SLC29A4: variants seen among roughly 807,000 people sequenced by gnomAD.
SLC29A4 encodes equilibrative nucleoside transporter 4.
SLC29A4 carries 36 observed loss-of-function variants against 43.9 expected under a neutral mutation model. That is an observed-to-expected ratio of 0.82 (90% CI 0.63 to 1.08). The LOEUF (loss-of-function observed/expected upper bound fraction) is 1.08. Among genes scored for constraint, SLC29A4 ranks in the 50% least tolerant of loss-of-function variants. The probability of loss-of-function intolerance (pLI) is 0.00; values close to 1 mark genes in which losing one functional copy is unlikely to be tolerated. For synonymous variants in SLC29A4, 491 were observed against 338.0 expected (o/e 1.45, Z -4.97); for missense variants, 869 against 755.3 (o/e 1.15, Z -1.77).
chr7:5,284,848 G>A (rs1271877996), intron 1 of SLC29A4, among the ~76,000 whole-genome samples: 7 of 152,216 alleles, frequency 4.6e-5, no homozygotes, highest in South Asian at 2.1e-4. Flanking sequence ...AAGCACGTCC[G>A]CCTTCCTGGG....
Position 5,291,635 on chromosome 7 carries a change from G to A in SLC29A4, c.416-58G>A. The A allele has an allele frequency of 4.6e-6, 7 of 1,527,770 alleles. No homozygotes were observed. The South Asian group carries it at 5.0e-5, about 11-fold the overall frequency. 94.6% of individuals were successfully genotyped at this position (1,527,770 alleles called of 1,614,324 possible). On this transcript the variant is annotated intron_variant, in intron 4 of 10. Coordinates refer to ENST00000396872, the MANE Select transcript of SLC29A4 (RefSeq NM_153247.4). ...GCGACTCTGCAGGAGGGGCGAGGAG[G>A]AGGGGGACCCCACCCAGTTGGCTCC...
chr7:5,288,624 CAT>C (rs376073568), intron 2 of SLC29A4, among the ~76,000 whole-genome samples: 78 of 152,008 alleles, frequency 5.1e-4, no homozygotes, highest in African/African-American at 1.8e-3. Context: ...TGGAGTGACA[CAT>C]GTCACTTTGG....
rs781288925 is a variant in SLC29A4 at position 5,296,991 on chromosome 7, C to G, written c.675C>G (p.Pro225=). Residue 225 remains proline, a synonymous_variant, in exon 7 of 11, where the codon CCC becomes CCG. Coordinates refer to ENST00000396872, the MANE Select transcript of SLC29A4 (RefSeq NM_153247.4). ...GCATCCTCACGAAGCTGCTGCTGCCCGACGAGCGCGCCAGCACGCTCATCT... is the reference window on the plus strand; with the variant it reads ...GCATCCTCACGAAGCTGCTGCTGCCGGACGAGCGCGCCAGCACGCTCATCT... ...LSRILTKLLL[P]DERASTLIFF... 1.9e-5 allele frequency: 30 copies of G among 1,603,408 alleles called. No individual in the cohort carries two copies. Among genetic ancestry groups the G allele is most frequent in the Non-Finnish European group, 1.9e-5 (23 of 1,179,508 alleles).
Position 5,299,221 on chromosome 7 carries a change from C to G in SLC29A4, c.1022-19C>G. ...GTCCCCGTGGGCGCTGCCTCTGACC[C>G]CCGCCCGCCACCCTCCAGCCCTGTT... On this transcript the variant is annotated intron_variant, in intron 8 of 10. Transcript: ENST00000396872. 6.2e-7 allele frequency: 1 copy of G among 1,604,490 alleles called. No individual in the cohort carries two copies.
At chr7:5,286,894 C>T (rs1296520770) in intron 1 of SLC29A4, among the ~76,000 whole-genome samples, 4 of 152,228 alleles carry the variant, frequency 2.6e-5, no homozygotes, top group East Asian at 1.9e-4. Context: ...GACACTGCAG[C>T]GCGGTGCAGG....
chr7:5,304,301 G>GCA lies in SLC29A4; in HGVS notation c.*1363_*1364insAC, dbSNP rs1562460872. 1 of 108,082 alleles carries GCA rather than the reference G, an allele frequency of 9.3e-6. No individual in the cohort carries two copies. Among genetic ancestry groups the GCA allele is most frequent in the Admixed American group, 9.9e-5 (1 of 10,076 alleles). The allele number at this position is 108,082 out of a possible 1,614,324, so 6.7% of individuals were successfully genotyped here. A position where few individuals can be genotyped will look rare whatever the true frequency, so the allele number is the denominator to read the frequency against. On this transcript the variant is annotated 3_prime_UTR_variant, in exon 11 of 11. Coordinates refer to ENST00000396872, the MANE Select transcript of SLC29A4 (RefSeq NM_153247.4). ...GGTTTGTCGCTCACCTTGACCGCCCGCCCCCCCCACCCCTTCGTGAGGATC... is the reference window on the plus strand; with the variant it reads ...GGTTTGTCGCTCACCTTGACCGCCCGCACCCCCCCCACCCCTTCGTGAGGATC...
chr7:5,291,255 A>G lies in SLC29A4; in HGVS notation c.415+18A>G, dbSNP rs1360032759. ...CACCGCAGGTGCGCTGGGCCCCGCCACGGGACACCTGCCTGTCATGGCTTC... is the reference window on the plus strand; with the variant it reads ...CACCGCAGGTGCGCTGGGCCCCGCCGCGGGACACCTGCCTGTCATGGCTTC... On this transcript the variant is annotated intron_variant, in intron 4 of 10. Coordinates refer to ENST00000396872, the MANE Select transcript of SLC29A4 (RefSeq NM_153247.4). 29 of 1,604,330 alleles carry G rather than the reference A, an allele frequency of 1.8e-5. No individual in the cohort carries two copies. The highest frequency in any genetic ancestry group is 2.4e-5 in the Non-Finnish European group (28 of 1,175,592).
rs991609596 is a variant in SLC29A4, at chr7:5,285,713, C to T, written c.-8-2096C>T. ...AGGCAGAGGTGACATGGGTCAGCCC[C>T]AGAGAAAATCAGGATGGGCTGAGCG... On this transcript the variant is annotated intron_variant, in intron 1 of 10. Coordinates refer to ENST00000396872, the MANE Select transcript of SLC29A4 (RefSeq NM_153247.4). Among the ~76,000 whole-genome samples, 6 of 152,148 alleles carry T rather than the reference C, an allele frequency of 3.9e-5. No individual in the cohort carries two copies. In the East Asian group the frequency reaches 9.6e-4, roughly 24 times the overall value.
chr7:5,301,287 C>A (rs1403688998), intron 10 of SLC29A4, among the ~76,000 whole-genome samples: 1 of 149,986 alleles, frequency 6.7e-6, no homozygotes, highest in South Asian at 2.1e-4. Flanking sequence ...AATCCCAGAT[C>A]GGCGTGACTG....
rs1384079287 is a variant in SLC29A4 at position 5,303,288 on chromosome 7, C to T, written c.*349C>T. On this transcript the variant is annotated 3_prime_UTR_variant, in exon 11 of 11. Coordinates refer to ENST00000396872, the MANE Select transcript of SLC29A4 (RefSeq NM_153247.4). ...GTGTCCCCACCCAGGACAGCAGACA[C>T]CCGCCAGAGTGTGCGCGCCCAGTGA... 8.2e-6 allele frequency: 3 copies of T among 365,558 alleles called. No individual in the cohort carries two copies. Among genetic ancestry groups the T allele is most frequent in the Admixed American group, 4.5e-5 (1 of 22,344 alleles). 22.6% of individuals were successfully genotyped at this position (365,558 alleles called of 1,614,324 possible).
chr7:5,300,456 C>T lies in SLC29A4; in HGVS notation c.1244C>T (p.Thr415Ile), dbSNP rs567524814. Residue 415 changes from threonine (T) to isoleucine (I), a missense_variant, in exon 10 of 11, where the codon ACC (threonine) becomes ATC (isoleucine). Transcript: ENST00000396872. ...GCCCTGCCCGTGGACTGGCGGGGCA[C>T]CCACCTGCTGGCCTGCTCCTGCCTG... Reference protein sequence around the residue: ...LAALPVDWRGTHLLACSCLRV... With the variant: ...LAALPVDWRGIHLLACSCLRV... The T allele has an allele frequency of 6.2e-7, 1 of 1,611,294 alleles. No homozygotes were observed. The highest frequency in any genetic ancestry group is 2.2e-5 in the East Asian group (1 of 44,870).
rs1444435186 is a variant in SLC29A4 at position 5,306,024 on chromosome 7, T to C, written c.*3085T>C. 6.7e-6 allele frequency: 1 copy of C among 148,358 alleles called. No homozygotes were observed. Among genetic ancestry groups the C allele is most frequent in the Non-Finnish European group, 1.5e-5 (1 of 67,140 alleles). 9.2% of individuals were successfully genotyped at this position (148,358 alleles called of 1,614,324 possible). A position where few individuals can be genotyped will look rare whatever the true frequency, so the allele number is the denominator to read the frequency against. ...ACCACACCCGGCTAATTTTTTTGTA[T>C]TTTTAGTAGAGATGGGGTTTCACCA... On this transcript the variant is annotated 3_prime_UTR_variant, in exon 11 of 11. Coordinates refer to ENST00000396872, the MANE Select transcript of SLC29A4 (RefSeq NM_153247.4).
chr7:5,294,753 C>T (rs1259902816), intron 5 of SLC29A4, 107 bp from the exon 6 acceptor site: 19 of 1,088,214 alleles, frequency 1.7e-5, no homozygotes, highest in East Asian at 1.7e-4. Flanking sequence ...GTGGTGTTAA[C>T]GGCTGTTTAC....
rs1179689465 is a variant in SLC29A4 at position 5,297,210 on chromosome 7, C to G, written c.882+12C>G. ...GGGACGTCCACTTCGTAAGTGCGCA[C>G]CGCCCACCTCTGTTCCCTTCTCTGT... On this transcript the variant is annotated intron_variant, in intron 7 of 10. Coordinates refer to ENST00000396872, the MANE Select transcript of SLC29A4 (RefSeq NM_153247.4). The G allele has an allele frequency of 6.4e-7, 1 of 1,569,456 alleles. No individual in the cohort carries two copies. The highest frequency in any genetic ancestry group is 8.6e-7 in the Non-Finnish European group (1 of 1,162,934).
chr7:5,293,379 C>T (rs1432315259), intron 5 of SLC29A4, among the ~76,000 whole-genome samples: 7 of 151,512 alleles, frequency 4.6e-5, no homozygotes, highest in Non-Finnish European at 8.8e-5. Flanking sequence ...ACCATATTGG[C>T]CAGGCTGCTC....
At chr7:5,292,930 C>T (rs1163950063) in intron 5 of SLC29A4, among the ~76,000 whole-genome samples, 1 of 151,466 alleles carries the variant, frequency 6.6e-6, no homozygotes, top group Non-Finnish European at 1.5e-5. Context: ...AACTCCTGAC[C>T]TCAGGTGATC....
In SLC29A4 at chr7:5,305,557, C is replaced by CTTTTTTT. The variant is rs71535200; in HGVS notation, c.*2631_*2637dup. 1 of 106,634 alleles carries CTTTTTTT rather than the reference C, an allele frequency of 9.4e-6. No homozygotes were observed. Among genetic ancestry groups the CTTTTTTT allele is most frequent in the Non-Finnish European group, 1.8e-5 (1 of 54,156 alleles). 6.6% of individuals were successfully genotyped at this position (106,634 alleles called of 1,614,324 possible). On this transcript the variant is annotated 3_prime_UTR_variant, in exon 11 of 11. Coordinates refer to ENST00000396872, the MANE Select transcript of SLC29A4 (RefSeq NM_153247.4). ...GCATGGCTGGAAATGTGCAGCTTTG[C>CTTTTTTT]TTTTTTTTTTTTTTTTTTTGGAGGA...
At chr7:5,287,767 G>T in intron 1 of SLC29A4, 42 bp from the exon 2 acceptor site, 1 of 1,588,572 alleles carries the variant, frequency 6.3e-7, no homozygotes, top group Non-Finnish European at 8.6e-7. Flanking sequence ...GGATCCCTCA[G>T]CCTTCTTCCC....
At chr7:5,295,808 A>G (rs2128089941) in intron 6 of SLC29A4, among the ~76,000 whole-genome samples, 1 of 137,854 alleles carries the variant, frequency 7.3e-6, no homozygotes, top group Admixed American at 7.2e-5. Context: ...GCTGGCAGGT[A>G]GATTTTGTGG....
Sources: allele counts gnomAD v4.1 joint callset (sites outside exome capture counted in the v4.1 genomes callset), GRCh38; gene constraint gnomAD v4.1.1; transcripts MANE v1.5; gene names NCBI Gene and HGNC (gene_info 2026-07-23, HGNC 2026-07-21).